Variants in DPP10 observed in about 807,000 individuals in gnomAD.
The protein encoded by DPP10 is inactive dipeptidyl peptidase 10.
DPP10 carries 33 observed loss-of-function variants against 120.9 expected under a neutral mutation model. That is an observed-to-expected ratio of 0.27 (90% CI 0.21 to 0.37). The LOEUF (loss-of-function observed/expected upper bound fraction) is 0.37. DPP10 is among the 10% of genes least tolerant of loss of function. The pLI is 1.00. For synonymous variants in DPP10, 337 were observed against 326.1 expected (o/e 1.03, Z -0.36); for missense variants, 816 against 942.8 (o/e 0.87, Z 1.76).
intron 1 of DPP10, among the ~76,000 whole-genome samples, chr2:114,515,148 C>T (rs1684485107): frequency 6.6e-6 from 1 of 152,162 alleles, no homozygotes; most frequent in Non-Finnish European, 1.5e-5. Context: ...AGACAATTTC[C>T]AATTTCATCT....
At position 114,990,142 on chromosome 2, in the gene DPP10, A is replaced by T. The variant is rs17452465; in HGVS notation, c.61-319097A>T. Among the ~76,000 whole-genome samples, 1,337 of 152,286 alleles carry T rather than the reference A, an allele frequency of 8.8e-3. 23 individuals carry two copies. The highest frequency in any genetic ancestry group is 0.038 in the Admixed American group (578 of 15,288). ...AATACTTCTTATGCCAAAGCTAATT[A>T]ATGGTTTTGCACGATTTAAATAAAC... On this transcript the variant is annotated intron_variant, in intron 1 of 25. Transcript: ENST00000410059.
chr2:115,669,566 T>C (rs1205583298), intron 5 of DPP10, among the ~76,000 whole-genome samples: 1 of 152,140 alleles, frequency 6.6e-6, no homozygotes, highest in Non-Finnish European at 1.5e-5. Context: ...TATCTTTATT[T>C]ATTTTTCTTG....
At chr2:115,377,872 G>A (rs1028963230) in intron 3 of DPP10, among the ~76,000 whole-genome samples, 31 of 152,186 alleles carry the variant, frequency 2.0e-4, no homozygotes, top group African/African-American at 7.0e-4. Flanking sequence ...CAGATATGTG[G>A]CATTATTTCT....
chr2:115,407,033 T>G (rs1221398359), intron 3 of DPP10, among the ~76,000 whole-genome samples: 1 of 152,078 alleles, frequency 6.6e-6, no homozygotes, highest in Non-Finnish European at 1.5e-5. Flanking sequence ...AAAAAAACCC[T>G]GTCAGCAAAG....
At chr2:114,722,844 T>C (rs1439638045) in intron 1 of DPP10, among the ~76,000 whole-genome samples, 2 of 150,868 alleles carry the variant, frequency 1.3e-5, no homozygotes, top group Admixed American at 6.6e-5. Flanking sequence ...GCCTTCTTTT[T>C]ACTAGGTATG....
At chr2:115,648,927 C>A (rs539236085) in intron 5 of DPP10, among the ~76,000 whole-genome samples, 1 of 152,192 alleles carries the variant, frequency 6.6e-6, no homozygotes, top group African/African-American at 2.4e-5. Flanking sequence ...AGTAGGGACA[C>A]CAACCCAGTT....
At chr2:115,519,037 C>A (rs1184127380) in intron 4 of DPP10, among the ~76,000 whole-genome samples, 2 of 152,114 alleles carry the variant, frequency 1.3e-5, no homozygotes, top group East Asian at 1.9e-4. Context: ...TACAATATTT[C>A]TTTTCTTCTT....
chr2:115,490,844 C>T (rs1016404042), intron 3 of DPP10, among the ~76,000 whole-genome samples: 4 of 152,188 alleles, frequency 2.6e-5, no homozygotes, highest in African/African-American at 4.8e-5. Flanking sequence ...GAGGGCTGTG[C>T]GTGGTGGCTC....
At chr2:114,645,418 G>A (rs564667887) in intron 1 of DPP10, among the ~76,000 whole-genome samples, 3 of 152,230 alleles carry the variant, frequency 2.0e-5, no homozygotes, top group South Asian at 4.2e-4. Context: ...TCTCTGTCTT[G>A]GAATTTCTCT....
chr2:115,450,035 C>T (rs1486444995), intron 3 of DPP10, among the ~76,000 whole-genome samples: 1 of 151,966 alleles, frequency 6.6e-6, no homozygotes, highest in Non-Finnish European at 1.5e-5. Context: ...GAATCCCAAT[C>T]CTTTTGTACT....
At chr2:115,291,151 G>A (rs953782452) in intron 1 of DPP10, among the ~76,000 whole-genome samples, 2 of 152,076 alleles carry the variant, frequency 1.3e-5, no homozygotes, top group South Asian at 4.2e-4. Flanking sequence ...TTACAGGTAT[G>A]TGCCGCCATG....
intron 1 of DPP10, among the ~76,000 whole-genome samples, chr2:114,553,639 A>T: frequency 6.6e-6 from 1 of 152,176 alleles, no homozygotes. Context: ...GTTATAAGTG[A>T]TTGACCAGCC....
At chr2:114,523,850 C>T (rs978882948) in intron 1 of DPP10, among the ~76,000 whole-genome samples, 6 of 152,136 alleles carry the variant, frequency 3.9e-5, no homozygotes, top group Admixed American at 1.3e-4. Context: ...CTCTACTCAC[C>T]CTAATGATCC....
At chr2:115,829,129 G>A (rs575816278) in intron 21 of DPP10, among the ~76,000 whole-genome samples, 1 of 152,180 alleles carries the variant, frequency 6.6e-6, no homozygotes, top group South Asian at 2.1e-4. Context: ...TTATTTAGAT[G>A]TCCTGTTTCT....
chr2:115,124,450 C>A (rs1177765862), intron 1 of DPP10, among the ~76,000 whole-genome samples: 1 of 152,184 alleles, frequency 6.6e-6, no homozygotes, highest in Non-Finnish European at 1.5e-5. Flanking sequence ...ACACAAGGTT[C>A]ATTTGGCCTA....
At chr2:114,637,754 T>C (rs964185130) in intron 1 of DPP10, among the ~76,000 whole-genome samples, 1 of 151,834 alleles carries the variant, frequency 6.6e-6, no homozygotes, top group African/African-American at 2.4e-5. Context: ...CCTTTTCACA[T>C]TGCTCATTTT....
rs1199010644 is a variant in DPP10, at chr2:115,766,332, A to G, written c.1114-1965A>G. Among the ~76,000 whole-genome samples, 24 of 91,578 alleles carry G rather than the reference A, an allele frequency of 2.6e-4. No individual in the cohort carries two copies. The Middle Eastern group carries it at 0.018, about 69-fold the overall frequency. 60.1% of individuals were successfully genotyped at this position (91,578 alleles called of 152,430 possible). A position where few individuals can be genotyped will look rare whatever the true frequency, so the allele number is the denominator to read the frequency against. Reference sequence around the variant, plus strand: ...TGTGTATATATATATATATGTATATATATATGTATATATATATATATATCA... The same window carrying G: ...TGTGTATATATATATATATGTATATGTATATGTATATATATATATATATCA... On this transcript the variant is annotated intron_variant, in intron 12 of 25. Transcript: ENST00000410059.
chr2:115,617,378 G>A (rs1204833156), intron 5 of DPP10, among the ~76,000 whole-genome samples: 1 of 148,074 alleles, frequency 6.8e-6, no homozygotes, highest in Non-Finnish European at 1.5e-5. Context: ...TGCATAACAC[G>A]AATGAAGAAT....
At chr2:114,972,120 C>A (rs563700730) in intron 1 of DPP10, among the ~76,000 whole-genome samples, 1 of 152,236 alleles carries the variant, frequency 6.6e-6, no homozygotes, top group Non-Finnish European at 1.5e-5. Flanking sequence ...AGTTGCCAAT[C>A]ACTCTTTGGG....
Sources: gnomAD v4.1 joint callset for allele counts (sites outside exome capture counted in the v4.1 genomes callset) on GRCh38, gnomAD v4.1.1 for gene constraint, MANE v1.5 for transcripts, NCBI Gene and HGNC (gene_info 2026-07-23, HGNC 2026-07-21) for gene names.